UTRN: variants seen among roughly 807,000 people sequenced by gnomAD.
UTRN encodes the protein dystrophin-related protein 1.
In UTRN, 283 loss-of-function variants were observed where a neutral mutation model predicts 463.9. The observed-to-expected ratio is 0.61, with a 90% CI of 0.55 to 0.67. UTRN has a LOEUF of 0.67. Among genes scored for constraint, UTRN ranks in the 30% least tolerant of loss-of-function variants. The pLI, the probability that UTRN is intolerant of heterozygous loss-of-function variation, is 0.00. For synonymous variants in UTRN, 1,442 were observed against 1,431.5 expected (o/e 1.01, Z -0.17); for missense variants, 3,922 against 4,084.3 (o/e 0.96, Z 1.08).
chr6:144,372,169 A>AT (rs1337886495), intron 2 of UTRN, among the ~76,000 whole-genome samples: 8 of 152,224 alleles, frequency 5.3e-5, no homozygotes, highest in Non-Finnish European at 1.2e-4. Flanking sequence ...TAAGTTAATC[A>AT]TTTTTAATCC....
In UTRN at chr6:144,833,633, G is replaced by A. The variant is rs536922279; in HGVS notation, c.9666-2147G>A. On this transcript the variant is annotated intron_variant, in intron 69 of 74. Coordinates refer to ENST00000367545, the MANE Select transcript of UTRN (RefSeq NM_007124.3). ...TTATATCTATCTACTATATCTTTACGCTTTGTCCATTTGTCCTATCCATAT... is the reference window on the plus strand; with the variant it reads ...TTATATCTATCTACTATATCTTTACACTTTGTCCATTTGTCCTATCCATAT... Among the ~76,000 whole-genome samples the A allele has an allele frequency of 5.3e-5, 8 of 151,902 alleles. No individual in the cohort carries two copies. In the South Asian group the frequency reaches 1.7e-3, roughly 32 times the overall value.
Position 144,479,940 on chromosome 6 carries a change from C to T in UTRN, c.3465C>T (p.Tyr1155=), listed in dbSNP as rs1791671218. 2 of 1,614,146 alleles carry T rather than the reference C, an allele frequency of 1.2e-6. No homozygotes were observed. The highest frequency in any genetic ancestry group is 1.7e-6 in the Non-Finnish European group (2 of 1,180,006). ...AATATTTGGAGCGGGATTTTGAGTA[C>T]AAGTCACCAGAAGAGCTTGAGAGTG... ...EEEYLERDFE[Y]KSPEELESAV... Residue 1155 remains tyrosine, a synonymous_variant, in exon 26 of 75, where the codon TAC becomes TAT. Transcript: ENST00000367545.
intron 2 of UTRN, among the ~76,000 whole-genome samples, chr6:144,392,998 GCCATCCATCCATCCATCCATCCAT>G (rs58099859): frequency 3.3e-5 from 5 of 150,082 alleles, no homozygotes; most frequent in Admixed American, 6.7e-5. Context: ...GTGTCCAGCT[GCCATCCATCCATCCATCCATCCAT>G]CCATCCATCC....
chr6:144,617,705 T>C (rs148627584), intron 51 of UTRN, among the ~76,000 whole-genome samples: 11 of 152,274 alleles, frequency 7.2e-5, no homozygotes, highest in Non-Finnish European at 1.5e-4. Context: ...TAGGAAGGTG[T>C]TCTTTTTTTT....
At chr6:144,732,164 A>G (rs1788604990) in intron 54 of UTRN, among the ~76,000 whole-genome samples, 1 of 148,670 alleles carries the variant, frequency 6.7e-6, no homozygotes, top group South Asian at 2.1e-4. Flanking sequence ...ACTCAGCCTT[A>G]TATTTGTTAT....
intron 53 of UTRN, among the ~76,000 whole-genome samples, chr6:144,719,619 C>G (rs1033487726): frequency 4.6e-5 from 7 of 152,030 alleles, no homozygotes; most frequent in Non-Finnish European, 1.0e-4. Context: ...CAAAAGCCTT[C>G]TGAATTGCAA....
intron 51 of UTRN, among the ~76,000 whole-genome samples, chr6:144,638,125 G>T (rs565751812): frequency 6.6e-6 from 1 of 152,238 alleles, no homozygotes; most frequent in Middle Eastern, 3.4e-3. Flanking sequence ...ACCCCAAATG[G>T]TTAATGTAGT....
At chr6:144,789,385 T>C (rs1776567920) in intron 62 of UTRN, 106 bp downstream of exon 62, 1 of 984,730 alleles carries the variant, frequency 1.0e-6, no homozygotes, top group Non-Finnish European at 1.5e-6. Context: ...AATAGTTCTC[T>C]CTCTTTTTTT....
rs759358883 is a variant in UTRN at position 144,797,856 on chromosome 6, G to A, written c.9111G>A (p.Glu3037=). The change falls in exon 64 of 75, where the codon GAG becomes GAA. Residue 3037 remains glutamate, a synonymous_variant. Coordinates refer to ENST00000367545, the MANE Select transcript of UTRN (RefSeq NM_007124.3). ...NNNKPEISVK[E]FIDWMHLEPQ... is the part of the protein sequence containing the mutation. The stretch of plus-strand genomic sequence containing the variant: ...ATAAACCAGAAATAAGTGTGAAAGA[G>A]TTTATAGATTGGATGCATTTGGAAC... 6.8e-6 allele frequency: 11 copies of A among 1,614,020 alleles called. No homozygotes were observed. The South Asian group carries it at 9.9e-5, about 14-fold the overall frequency.
At position 144,355,226 on chromosome 6, in the gene UTRN, T is replaced by C. The variant is rs143609111; in HGVS notation, c.80-47897T>C. 5.1e-3 allele frequency among the ~76,000 whole-genome samples: 779 copies of C among 152,314 alleles called. 7 individuals carry two copies. Among genetic ancestry groups the C allele is most frequent in the African/African-American group, 0.016 (668 of 41,572 alleles). Reference sequence around the variant, plus strand: ...CGAACATTTTTCATTTCTTTCTTTTTTTTGAGACAGAGTCTCTGTCACCTT... The same window carrying C: ...CGAACATTTTTCATTTCTTTCTTTTCTTTGAGACAGAGTCTCTGTCACCTT... On this transcript the variant is annotated intron_variant, in intron 2 of 74. Transcript: ENST00000367545.
At chr6:144,499,191 G>T in intron 33 of UTRN, 66 bp from the exon 34 acceptor site, 6 of 1,509,572 alleles carry the variant, frequency 4.0e-6, no homozygotes, top group Non-Finnish European at 5.4e-6. Flanking sequence ...TTAACATTCT[G>T]ATTCATTCTC....
chr6:144,611,325 A>G (rs1585557095), intron 51 of UTRN, among the ~76,000 whole-genome samples: 1 of 152,228 alleles, frequency 6.6e-6, no homozygotes, highest in Non-Finnish European at 1.5e-5. Flanking sequence ...GATGCCCACT[A>G]TCACAACTTC....
At chr6:144,630,240 T>G (rs1366366632) in intron 51 of UTRN, among the ~76,000 whole-genome samples, 25 of 152,098 alleles carry the variant, frequency 1.6e-4, no homozygotes, top group Non-Finnish European at 1.5e-5. Context: ...ACTAAGCATA[T>G]ATATTATAGG....
chr6:144,395,050 GCAGA>G (rs1441147333), intron 2 of UTRN, among the ~76,000 whole-genome samples: 3 of 151,952 alleles, frequency 2.0e-5, no homozygotes, highest in Non-Finnish European at 4.4e-5. Context: ...TGAGATTTCT[GCAGA>G]CAGTTTGTAG....
At chr6:144,635,347 C>A (rs767451974) in intron 51 of UTRN, among the ~76,000 whole-genome samples, 1 of 151,092 alleles carries the variant, frequency 6.6e-6, no homozygotes, top group African/African-American at 2.4e-5. Context: ...TACAGGGTTT[C>A]GCCACATTAC....
intron 50 of UTRN, among the ~76,000 whole-genome samples, chr6:144,564,070 G>T (rs1025067204): frequency 1.7e-4 from 26 of 151,952 alleles, no homozygotes; most frequent in Non-Finnish European, 1.3e-4. Context: ...CTTCCTATTT[G>T]CCAAGCTCTG....
intron 51 of UTRN, among the ~76,000 whole-genome samples, chr6:144,601,817 G>C (rs1317141135): frequency 6.6e-6 from 1 of 152,082 alleles, no homozygotes; most frequent in Non-Finnish European, 1.5e-5. Flanking sequence ...GGAAGAATCA[G>C]TGAATGGAGC....
At chr6:144,323,618 G>T (rs1254484058) in intron 2 of UTRN, among the ~76,000 whole-genome samples, 4 of 152,104 alleles carry the variant, frequency 2.6e-5, no homozygotes, top group Non-Finnish European at 5.9e-5. Flanking sequence ...AAGGTTTAAA[G>T]AAAATAAAAG....
intron 51 of UTRN, among the ~76,000 whole-genome samples, chr6:144,674,034 C>T (rs775555157): frequency 2.4e-4 from 37 of 152,046 alleles, no homozygotes; most frequent in Non-Finnish European, 5.0e-4. Flanking sequence ...ATAGGATTTC[C>T]CTTGTAGGTT....
Sources: gnomAD v4.1 joint callset for allele counts (sites outside exome capture counted in the v4.1 genomes callset) on GRCh38, gnomAD v4.1.1 for gene constraint, MANE v1.5 for transcripts, NCBI Gene and HGNC (gene_info 2026-07-23, HGNC 2026-07-21) for gene names.